Variants in HMX1 observed in about 807,000 individuals in gnomAD.
HMX1 encodes H6 family homeobox 1, also known as homeobox protein HMX1.
In HMX1, 8 loss-of-function variants were observed where a neutral mutation model predicts 8.9. The observed-to-expected ratio is 0.90, with a 90% CI of 0.53 to 1.63. The LOEUF (loss-of-function observed/expected upper bound fraction) is 1.63. Among genes scored for constraint, HMX1 ranks in the 40% most tolerant of loss-of-function variants. HMX1 has a pLI of 0.00. For synonymous variants in HMX1, 311 were observed against 283.4 expected, an observed-to-expected ratio of 1.10 and a Z score of -0.98; for missense variants, 621 against 558.5, an observed-to-expected ratio of 1.11 and a Z score of -1.13.
rs764730446 is a variant in HMX1, at chr4:8,867,785, C to T, written c.955G>A (p.Gly319Ser). 8.0e-7 allele frequency: 1 copy of T among 1,257,664 alleles called. No homozygotes were observed. Among genetic ancestry groups the T allele is most frequent in the Non-Finnish European group, 9.9e-7 (1 of 1,006,000 alleles). The allele number at this position is 1,257,664 out of a possible 1,614,324, so 77.9% of individuals were successfully genotyped here. A position where few individuals can be genotyped will look rare whatever the true frequency, so the allele number is the denominator to read the frequency against. Residue 319 changes from glycine to serine, a missense_variant, in exon 2 of 2, where the codon GGC becomes AGC. Transcript: ENST00000400677. ...GGGTAGGCGAGGGCCCCGGAGAAGC[C>T]GAGCAGCGGTGGGGGCGGCGCGGGC... The part of the protein sequence containing the change: ...AAPAPPPPLL[G>S]FSGALAYPLA...
chr4:8,863,005 C>T (rs942289324), downstream of HMX1, among the ~76,000 whole-genome samples: 1 of 151,962 alleles, frequency 6.6e-6, no homozygotes, highest in East Asian at 1.9e-4. Context: ...CCTTGGGGAC[C>T]TGGGGATCGG....
rs142122120 is a variant in HMX1 at position 8,847,262 on chromosome 4, T to C, written c.395-938A>G. Among the ~76,000 whole-genome samples, 466 of 152,300 alleles carry C rather than the reference T, an allele frequency of 3.1e-3. 6 individuals carry two copies. Among genetic ancestry groups the C allele is most frequent in the African/African-American group, 0.01 (432 of 41,558 alleles). ...CAGCCTGAGTAACGTAGCAAGACTCTGTCTTTAAAAATTAAAAAAAATAAT... is the reference window on the plus strand; with the variant it reads ...CAGCCTGAGTAACGTAGCAAGACTCCGTCTTTAAAAATTAAAAAAAATAAT... On this transcript the variant is annotated intron_variant, in intron 1 of 1. Transcript: ENST00000506970. The surrounding 1 kb of genome is among the most constrained non-coding windows in gnomAD (Gnocchi z 6.0).
rs1373277121 is a variant in HMX1, at chr4:8,867,719, G to A, written c.1021C>T (p.Arg341Trp). ...FPAAASVPFL[R>W]AQMPGLV ...CACACCAGGCCAGGCATCTGCGCCC[G>A]CAGAAAGGGCACGGAGGCGGCGGCC... Residue 341 changes from arginine to tryptophan, a missense_variant, in exon 2 of 2, where the codon CGG becomes TGG. Physicochemically the swap from Arg to Trp is moderately radical, Grantham distance 101. Transcript: ENST00000400677. 3.9e-6 allele frequency: 5 copies of A among 1,279,684 alleles called. No individual in the cohort carries two copies. Among genetic ancestry groups the A allele is most frequent in the Middle Eastern group, 2.5e-4 (1 of 3,944 alleles). 79.3% of individuals were successfully genotyped at this position (1,279,684 alleles called of 1,614,324 possible). A position where few individuals can be genotyped will look rare whatever the true frequency, so the allele number is the denominator to read the frequency against.
intron 1 of HMX1, among the ~76,000 whole-genome samples, chr4:8,856,657 C>T (rs1721616236): frequency 6.6e-6 from 1 of 152,170 alleles, no homozygotes; most frequent in Admixed American, 6.5e-5. Flanking sequence ...GCTTTTCTCC[C>T]TAAGTACATT....
chr4:8,856,896 C>G (rs750472266), intron 1 of HMX1, among the ~76,000 whole-genome samples: 2 of 152,180 alleles, frequency 1.3e-5, no homozygotes, highest in Admixed American at 6.5e-5. Flanking sequence ...CACGACGAGC[C>G]TGGGCAACAT....
downstream of HMX1, among the ~76,000 whole-genome samples, chr4:8,864,580 C>T (rs1721934110): frequency 2.0e-5 from 3 of 152,232 alleles, no homozygotes; most frequent in Admixed American, 2.0e-4. Context: ...GTACCCCCTG[C>T]TTGCCCCCAG....
At chr4:8,864,030 C>T (rs1560179434), downstream of HMX1, among the ~76,000 whole-genome samples, 1 of 152,204 alleles carries the variant, frequency 6.6e-6, no homozygotes, top group Admixed American at 6.5e-5. Context: ...TTTCCCACCT[C>T]TCAGGCCAGC....
At chr4:8,859,536 G>A (rs1355466754) in intron 1 of HMX1, among the ~76,000 whole-genome samples, 2 of 152,132 alleles carry the variant, frequency 1.3e-5, no homozygotes, top group South Asian at 2.1e-4. Context: ...GCTGGAAGAG[G>A]GAGAGGAGGA....
intron 1 of HMX1, among the ~76,000 whole-genome samples, chr4:8,869,926 C>T (rs917824360): frequency 7.9e-5 from 12 of 152,144 alleles, no homozygotes; most frequent in African/African-American, 1.9e-4. Context: ...ATAGTCTCCC[C>T]CAGAAGGGCA....
intron 1 of HMX1, among the ~76,000 whole-genome samples, chr4:8,850,944 C>G (rs1253414699): frequency 1.3e-5 from 2 of 152,266 alleles, no homozygotes; most frequent in Non-Finnish European, 2.9e-5. Flanking sequence ...CACAGCTGCC[C>G]CCTTGGCCGG....
At chr4:8,864,707 C>T (rs1721940638), downstream of HMX1, among the ~76,000 whole-genome samples, 1 of 152,208 alleles carries the variant, frequency 6.6e-6, no homozygotes, top group African/African-American at 2.4e-5. Flanking sequence ...GATAACAGGG[C>T]AGGGCCAGCT....
intron 1 of HMX1, among the ~76,000 whole-genome samples, chr4:8,861,903 C>T (rs1372461158): frequency 2.0e-5 from 3 of 152,250 alleles, no homozygotes; most frequent in African/African-American, 7.2e-5. Context: ...AAGAGGAGGC[C>T]GCTGCGCGCA....
intron 1 of HMX1, among the ~76,000 whole-genome samples, chr4:8,855,911 C>G (rs1721595179): frequency 6.6e-6 from 1 of 152,184 alleles, no homozygotes; most frequent in African/African-American, 2.4e-5. Context: ...GCCAGCCTGC[C>G]CTCCCCCTCC....
chr4:8,862,607 T>A (rs1027940363), downstream of HMX1, among the ~76,000 whole-genome samples: 12 of 152,346 alleles, frequency 7.9e-5, no homozygotes, highest in East Asian at 1.9e-4. Flanking sequence ...TAACTTTTTT[T>A]AAAATAACAA....
In HMX1 at chr4:8,871,308, C is replaced by G. The variant is rs1222293670; in HGVS notation, c.307G>C (p.Gly103Arg). 2.1e-6 allele frequency: 3 copies of G among 1,406,412 alleles called. No homozygotes were observed. The highest frequency in any genetic ancestry group is 2.8e-6 in the Non-Finnish European group (3 of 1,087,682). 87.1% of individuals were successfully genotyped at this position (1,406,412 alleles called of 1,614,324 possible). The change falls in exon 1 of 2, where the codon GGG becomes CGG. Residue 103 changes from glycine to arginine, a missense_variant. Physicochemically the swap from Gly to Arg is moderately radical, Grantham distance 125. Coordinates refer to ENST00000400677, the MANE Select transcript of HMX1 (RefSeq NM_018942.3). This position sits in a 1 kb window ranked among gnomAD's most constrained non-coding sequence, Gnocchi z 4.8. ...GLGPRPPPGP[G>R]PPFALGCGGA... is the part of the protein sequence containing the mutation. ...CCGCAGCCCAGAGCGAAGGGCGGCC[C>G]GGGACCGGGGGGCGGCCGAGGACCG...
intron 1 of HMX1, among the ~76,000 whole-genome samples, chr4:8,869,001 A>G (rs1467053646): frequency 6.6e-6 from 1 of 151,368 alleles, no homozygotes; most frequent in Non-Finnish European, 1.5e-5. Context: ...CACACCACAT[A>G]CTCCTGTAGC....
downstream of HMX1, among the ~76,000 whole-genome samples, chr4:8,862,068 C>T (rs1721846255): frequency 6.6e-6 from 1 of 152,228 alleles, no homozygotes; most frequent in Non-Finnish European, 1.5e-5. Context: ...AGGCGACGCC[C>T]CGGCGCCAGG....
intron 1 of HMX1, among the ~76,000 whole-genome samples, chr4:8,854,931 G>A (rs1721563299): frequency 6.6e-6 from 1 of 152,184 alleles, no homozygotes; most frequent in South Asian, 2.1e-4. Flanking sequence ...GTGAACAATG[G>A]GAATCCTAGC....
At chr4:8,865,226 C>T (rs1374294705), downstream of HMX1, among the ~76,000 whole-genome samples, 1 of 152,212 alleles carries the variant, frequency 6.6e-6, no homozygotes, top group Non-Finnish European at 1.5e-5. Context: ...ACCACACAAC[C>T]TTGGGACTGC....
Sources: gnomAD v4.1 joint callset for allele counts (sites outside exome capture counted in the v4.1 genomes callset) on GRCh38, gnomAD v4.1.1 for gene constraint, Gnocchi (gnomAD v3.1) non-coding constraint, MANE v1.5 for transcripts, NCBI Gene and HGNC (gene_info 2026-07-23, HGNC 2026-07-21) for gene names.